The following ZFHX3 variants were observed in gnomAD, a reference collection of about 807,000 sequenced individuals.
ZFHX3 encodes zinc finger homeobox 3.
A neutral mutation model predicts 279.1 loss-of-function variants in ZFHX3; 42 were observed. The observed-to-expected ratio is 0.15, with a 90% CI of 0.12 to 0.19. The LOEUF is 0.19. Among genes scored for constraint, ZFHX3 ranks in the 10% least tolerant of loss-of-function variants. The probability of loss-of-function intolerance (pLI) is 1.00; values close to 1 mark genes in which losing one functional copy is unlikely to be tolerated. For missense variants in ZFHX3, 4,981 were observed against 4,754.0 expected, an observed-to-expected ratio of 1.05 and a Z score of -1.40; for synonymous variants, 2,293 against 1,957.8, an observed-to-expected ratio of 1.17 and a Z score of -4.52.
chr16:73,148,064 A>T (rs918011047), intron 5 of ZFHX3, among the ~76,000 whole-genome samples: 2 of 152,224 alleles, frequency 1.3e-5, no homozygotes, highest in Admixed American at 6.5e-5. Flanking sequence ...CTGGCAGGCT[A>T]AATTTTGCCC....
At chr16:73,356,105 A>G (rs2016336330) in intron 3 of ZFHX3, among the ~76,000 whole-genome samples, 1 of 152,224 alleles carries the variant, frequency 6.6e-6, no homozygotes. Flanking sequence ...CCAGGCCAAG[A>G]ATAATACAGC....
At chr16:73,890,730 C>T (rs2030506934) in intron 1 of ZFHX3, among the ~76,000 whole-genome samples, 1 of 152,070 alleles carries the variant, frequency 6.6e-6, no homozygotes, top group South Asian at 2.1e-4. Flanking sequence ...TAAAAGCAAA[C>T]GTGGAGCCGT....
intron 2 of ZFHX3, among the ~76,000 whole-genome samples, chr16:73,473,915 C>T (rs1287259117): frequency 6.6e-6 from 1 of 152,020 alleles, no homozygotes; most frequent in Admixed American, 6.6e-5. Flanking sequence ...GGCCTGCTCC[C>T]TTCTGATGCC....
chr16:73,452,089 A>G (rs1190215228), intron 3 of ZFHX3, among the ~76,000 whole-genome samples: 1 of 152,236 alleles, frequency 6.6e-6, no homozygotes, highest in Non-Finnish European at 1.5e-5. Flanking sequence ...TGGGAGAGGC[A>G]GAAAAAGGAG....
chr16:73,778,485 T>A (rs758969493), intron 1 of ZFHX3, among the ~76,000 whole-genome samples: 5 of 152,204 alleles, frequency 3.3e-5, no homozygotes, highest in African/African-American at 4.8e-5. Context: ...AAGTTTAAAA[T>A]CACAATAATT....
Position 72,784,566 on chromosome 16 carries a change from A to G in ZFHX3, c.*2598T>C, listed in dbSNP as rs959652667. ...AAAAATATATATATATATATTTCAT[A>G]GAGTTACAAACAAGATAAAATAATG... On this transcript the variant is annotated 3_prime_UTR_variant, in exon 10 of 10. Transcript: ENST00000268489. The G allele has an allele frequency of 6.6e-6, 1 of 151,122 alleles. No homozygotes were observed. Among genetic ancestry groups the G allele is most frequent in the African/African-American group, 2.5e-5 (1 of 40,532 alleles). The allele number at this position is 151,122 out of a possible 1,614,324, so 9.4% of individuals were successfully genotyped here. A position where few individuals can be genotyped will look rare whatever the true frequency, so the allele number is the denominator to read the frequency against.
At chr16:73,782,452 G>A (rs1422870848) in intron 1 of ZFHX3, among the ~76,000 whole-genome samples, 1 of 152,172 alleles carries the variant, frequency 6.6e-6, no homozygotes, top group Non-Finnish European at 1.5e-5. Flanking sequence ...AGCTATTTAA[G>A]GTCCCTAATT....
At chr16:73,483,357 G>GAC (rs2018907608) in intron 2 of ZFHX3, 3 of 455,220 alleles carry the variant, frequency 6.6e-6, no homozygotes, top group South Asian at 3.1e-5. Flanking sequence ...GAGAAAGAGA[G>GAC]AGAGAGAGAG....
intron 4 of ZFHX3, among the ~76,000 whole-genome samples, chr16:72,841,573 C>T (rs1024099456): frequency 6.6e-6 from 1 of 152,124 alleles, no homozygotes; most frequent in Non-Finnish European, 1.5e-5. Flanking sequence ...TACAATGAAA[C>T]GGTCTTTTGC....
chr16:73,148,288 T>A (rs1392216147), intron 5 of ZFHX3, among the ~76,000 whole-genome samples: 1 of 152,208 alleles, frequency 6.6e-6, no homozygotes, highest in Non-Finnish European at 1.5e-5. Context: ...TTTCCTTTGT[T>A]TAAAACTAAA....
Position 72,787,166 on chromosome 16 carries a change from A to G in ZFHX3, c.11110T>C (p.Ter3704GlnextTer10). ...TTTGTATTGTTCATCTTCAAAGCTT[A>G]CAATCTGAAGGTGTCCGTTCCTACA... is the stretch of plus-strand genomic sequence containing the variant. ...TSVGTDTFRL* is the reference protein window; with the variant it reads ...TSVGTDTFRLQ The change falls in exon 10 of 10, where the codon TAA becomes CAA. Residue 3704 changes from the stop codon to glutamine, a stop_lost. Coordinates refer to ENST00000268489, the MANE Select transcript of ZFHX3 (RefSeq NM_006885.4). 1 of 1,515,362 alleles carries G rather than the reference A, an allele frequency of 6.6e-7. No individual in the cohort carries two copies. Among genetic ancestry groups the G allele is most frequent in the Non-Finnish European group, 8.9e-7 (1 of 1,126,374 alleles). The allele number at this position is 1,515,362 out of a possible 1,614,324, so 93.9% of individuals were successfully genotyped here.
chr16:73,884,765 AC>A (rs1380364662), intron 1 of ZFHX3, among the ~76,000 whole-genome samples: 2 of 152,178 alleles, frequency 1.3e-5, no homozygotes, highest in Admixed American at 6.5e-5. Flanking sequence ...AGTAAAAATG[AC>A]CCTGTTTATC....
intron 2 of ZFHX3, among the ~76,000 whole-genome samples, chr16:73,481,793 T>A (rs1415306330): frequency 6.6e-6 from 1 of 152,102 alleles, no homozygotes; most frequent in African/African-American, 2.4e-5. Flanking sequence ...GTGCCCAGCT[T>A]GCCTACCACA....
At chr16:73,478,730 A>G (rs1174763049) in intron 2 of ZFHX3, among the ~76,000 whole-genome samples, 1 of 152,082 alleles carries the variant, frequency 6.6e-6, no homozygotes, top group Non-Finnish European at 1.5e-5. Flanking sequence ...ATCCCATCTG[A>G]TTAAGGTCAC....
intron 2 of ZFHX3, among the ~76,000 whole-genome samples, chr16:73,586,313 C>G (rs2051925269): frequency 6.7e-6 from 1 of 149,426 alleles, no homozygotes; most frequent in Non-Finnish European, 1.5e-5. Context: ...CACTTGAAAC[C>G]AGGAGGCAGA....
rs780948706 is a variant in ZFHX3, at chr16:72,788,002, T to C, written c.10274A>G (p.Lys3425Arg). The part of the protein sequence containing the change: ...AKESPKPEEQ[K>R]NTPREVSPLL... ...GGGGGACACCTCACGGGGGGTGTTT[T>C]TCTGTTCTTCTGGTTTGGGGGATTC... Residue 3425 changes from lysine (K) to arginine (R), a missense_variant, in exon 10 of 10, where the codon AAA becomes AGA. Coordinates refer to ENST00000268489, the MANE Select transcript of ZFHX3 (RefSeq NM_006885.4). 26 of 1,613,052 alleles carry C rather than the reference T, an allele frequency of 1.6e-5. No individual in the cohort carries two copies. The Middle Eastern group carries it at 6.6e-4, about 41-fold the overall frequency.
chr16:72,798,758 C>T, intron 8 of ZFHX3, 44 bp from the exon 9 acceptor site: 2 of 1,507,426 alleles, frequency 1.3e-6, no homozygotes, highest in Non-Finnish European at 1.8e-6. Flanking sequence ...ATAAAGAAGG[C>T]TTTGTTTCAA....
At chr16:73,301,210 G>C (rs1312581118) in intron 4 of ZFHX3, among the ~76,000 whole-genome samples, 1 of 152,178 alleles carries the variant, frequency 6.6e-6, no homozygotes, top group Non-Finnish European at 1.5e-5. Context: ...TTGTGGCCTG[G>C]ACATAAGGAC....
At chr16:73,063,733 C>G (rs1168499765), upstream of ZFHX3, among the ~76,000 whole-genome samples, 1 of 152,178 alleles carries the variant, frequency 6.6e-6, no homozygotes, top group Admixed American at 6.5e-5. Flanking sequence ...CACAGTGGTG[C>G]CCACTACATG....
Sources: gnomAD v4.1 joint callset for allele counts (sites outside exome capture counted in the v4.1 genomes callset) on GRCh38, gnomAD v4.1.1 for gene constraint, MANE v1.5 for transcripts, NCBI Gene and HGNC (gene_info 2026-07-23, HGNC 2026-07-21) for gene names.